The following TMTC2 variants were observed in gnomAD, a reference collection of about 807,000 sequenced individuals.
TMTC2 encodes the protein protein O-mannosyl-transferase TMTC2.
In TMTC2, 43 loss-of-function variants were observed where a neutral mutation model predicts 82.4. That is an observed-to-expected ratio of 0.52 (90% confidence interval 0.41 to 0.67). TMTC2 has a LOEUF of 0.67. Ranked by LOEUF, TMTC2 falls within the 30% of genes least tolerant of loss-of-function variation. The probability of loss-of-function intolerance (pLI) is 0.00; values close to 1 mark genes in which losing one functional copy is unlikely to be tolerated. For missense variants in TMTC2, 919 were observed against 1,012.4 expected, an observed-to-expected ratio of 0.91 and a Z score of 1.25; for synonymous variants, 408 against 381.9, an observed-to-expected ratio of 1.07 and a Z score of -0.80.
rs556589060 is a variant in TMTC2, at chr12:82,952,435, T to G, written c.1599-12589T>G. On this transcript the variant is annotated intron_variant, in intron 4 of 11. Coordinates refer to ENST00000321196, the MANE Select transcript of TMTC2 (RefSeq NM_152588.3). ...TACTTTGTATTTATTTGAATGTAAT[T>G]AAATGAAGTTTTTATTAAAATTTCT... Among the ~76,000 whole-genome samples the G allele has an allele frequency of 1.8e-3, 278 of 152,282 alleles. 1 individual carries two copies. The highest frequency in any genetic ancestry group is 3.5e-3 in the Non-Finnish European group (238 of 68,030).
chr12:82,769,238 C>G (rs747575246), intron 1 of TMTC2, among the ~76,000 whole-genome samples: 17 of 151,550 alleles, frequency 1.1e-4, no homozygotes, highest in African/African-American at 4.1e-4. Context: ...TTTGGGAGGC[C>G]GAGGCGGGTG....
rs1422421864 is a variant in TMTC2, at chr12:82,687,562, G to A, written c.-25G>A. 2.5e-6 allele frequency: 4 copies of A among 1,584,932 alleles called. No homozygotes were observed. The highest frequency in any genetic ancestry group is 1.9e-5 in the Admixed American group (1 of 53,064). On this transcript the variant is annotated 5_prime_UTR_variant, in exon 1 of 12. Transcript: ENST00000321196. ...CGCTGCTGCCCTCGCGCTGGGAGCC[G>A]AGCCGGAGGGAAGGCGGTGGAGAGA...
chr12:82,986,460 CTT>C (rs756271887), intron 8 of TMTC2: 1 of 156,620 alleles, frequency 6.4e-6, no homozygotes, highest in Non-Finnish European at 1.4e-5. Flanking sequence ...GTTGATGTAA[CTT>C]TGAAAAATAT....
intron 3 of TMTC2, among the ~76,000 whole-genome samples, chr12:82,906,542 C>T (rs929926959): frequency 4.5e-4 from 68 of 151,888 alleles, no homozygotes; most frequent in African/African-American, 1.6e-3. Flanking sequence ...GCGGGCGCCT[C>T]AAACCCGCCT....
Position 82,815,316 on chromosome 12 carries a change from A to T in TMTC2, c.84-41694A>T, listed in dbSNP as rs1025914342. Among the ~76,000 whole-genome samples, 21 of 145,270 alleles carry T rather than the reference A, an allele frequency of 1.4e-4. No homozygotes were observed. The South Asian group carries it at 1.5e-3, about 11-fold the overall frequency. On this transcript the variant is annotated intron_variant, in intron 1 of 11. Transcript: ENST00000321196. ...TTTTTAATTAATTAATTAATTATTT[A>T]TTTATTTATTTAGAGATGGAGTCTT... is the stretch of plus-strand genomic sequence containing the variant.
At chr12:82,883,591 T>A (rs928548605) in intron 2 of TMTC2, among the ~76,000 whole-genome samples, 9 of 152,204 alleles carry the variant, frequency 5.9e-5, no homozygotes, top group Non-Finnish European at 1.2e-4. Context: ...AACTCATTAA[T>A]GAGACTGGAA....
chr12:82,789,256 A>T (rs960292729), intron 1 of TMTC2, among the ~76,000 whole-genome samples: 2 of 152,130 alleles, frequency 1.3e-5, no homozygotes, highest in African/African-American at 4.8e-5. Flanking sequence ...CCAAGCAATC[A>T]TGACCATCTA....
chr12:83,010,988 C>A (rs1288693203), intron 8 of TMTC2, among the ~76,000 whole-genome samples: 1 of 152,078 alleles, frequency 6.6e-6, no homozygotes, highest in Non-Finnish European at 1.5e-5. Flanking sequence ...ATGTGTGACT[C>A]CATGCCCAGC....
At chr12:82,951,942 A>C (rs1877370343) in intron 4 of TMTC2, among the ~76,000 whole-genome samples, 1 of 152,182 alleles carries the variant, frequency 6.6e-6, no homozygotes, top group African/African-American at 2.4e-5. Flanking sequence ...TTGAGAAAAA[A>C]AAATATGAGT....
chr12:82,756,940 G>A (rs891114010), intron 1 of TMTC2, among the ~76,000 whole-genome samples: 1 of 152,106 alleles, frequency 6.6e-6, no homozygotes, highest in Non-Finnish European at 1.5e-5. Flanking sequence ...TACAAATATT[G>A]CTATCTTAGA....
rs1876607 is a variant in TMTC2, at chr12:82,863,166, C to G, written c.654+5586C>G. On this transcript the variant is annotated intron_variant, in intron 2 of 11. Coordinates refer to ENST00000321196, the MANE Select transcript of TMTC2 (RefSeq NM_152588.3). ...GTTTTGCCTAAGTTGTGACCCCCCC[C>G]CAATATCAATTGCATTGAATGAAAT... Among the ~76,000 whole-genome samples, 142 of 152,134 alleles carry G rather than the reference C, an allele frequency of 9.3e-4. 3 individuals are homozygous for G. In the East Asian group the frequency reaches 0.025, roughly 27 times the overall value.
chr12:82,804,530 C>T (rs7964915), intron 1 of TMTC2, among the ~76,000 whole-genome samples: 8,569 of 152,054 alleles, frequency 0.056, 306 homozygotes, highest in Middle Eastern at 0.14. Flanking sequence ...TAACAAAGGG[C>T]GGGCTTTGCA....
chr12:83,100,441 G>GT (rs1177615329), intron 11 of TMTC2, among the ~76,000 whole-genome samples: 2 of 152,018 alleles, frequency 1.3e-5, no homozygotes, highest in African/African-American at 4.8e-5. Flanking sequence ...ACTTGGTAAT[G>GT]TTAGATAATT....
At chr12:82,927,596 G>C (rs1875793379) in intron 3 of TMTC2, among the ~76,000 whole-genome samples, 1 of 152,188 alleles carries the variant, frequency 6.6e-6, no homozygotes, top group Non-Finnish European at 1.5e-5. Flanking sequence ...TGGATAAAAT[G>C]CTATCAAATA....
chr12:82,791,418 A>G (rs1013266841), intron 1 of TMTC2, among the ~76,000 whole-genome samples: 1 of 152,126 alleles, frequency 6.6e-6, no homozygotes, highest in African/African-American at 2.4e-5. Flanking sequence ...AAATTAAGAC[A>G]GGCAGATACT....
At chr12:82,799,357 G>A (rs145405480) in intron 1 of TMTC2, among the ~76,000 whole-genome samples, 13 of 152,176 alleles carry the variant, frequency 8.5e-5, no homozygotes, top group African/African-American at 2.4e-4. Flanking sequence ...AGTGAGCTTC[G>A]CATATTAAGG....
intron 1 of TMTC2, among the ~76,000 whole-genome samples, chr12:82,692,469 C>A (rs893179419): frequency 2.6e-5 from 4 of 152,210 alleles, no homozygotes; most frequent in African/African-American, 9.6e-5. Flanking sequence ...TCTGGTGGTA[C>A]AACTGTCTTT....
At chr12:82,974,331 A>G (rs1179188514) in intron 7 of TMTC2, among the ~76,000 whole-genome samples, 1 of 152,240 alleles carries the variant, frequency 6.6e-6, no homozygotes, top group Non-Finnish European at 1.5e-5. Flanking sequence ...ACTCAGTAGC[A>G]AATACAGGTT....
intron 8 of TMTC2, among the ~76,000 whole-genome samples, chr12:83,001,958 C>G (rs767619900): frequency 3.3e-5 from 5 of 152,152 alleles, no homozygotes; most frequent in Non-Finnish European, 7.3e-5. Context: ...TGTTGTGTCT[C>G]TGCCTGCTTT....
Sources: gnomAD v4.1 joint callset for allele counts (sites outside exome capture counted in the v4.1 genomes callset) on GRCh38, gnomAD v4.1.1 for gene constraint, MANE v1.5 for transcripts, NCBI Gene and HGNC (gene_info 2026-07-23, HGNC 2026-07-21) for gene names.